The following ST6GALNAC3 variants were observed in gnomAD, a reference collection of about 807,000 sequenced individuals.
ST6GALNAC3 encodes the protein alpha-N-acetylgalactosaminide alpha-2,6-sialyltransferase 3.
A neutral mutation model predicts 32.7 loss-of-function variants in ST6GALNAC3; 25 were observed. The observed-to-expected ratio is 0.76, with a 90% CI of 0.56 to 1.07. ST6GALNAC3 has a LOEUF of 1.07. Among genes scored for constraint, ST6GALNAC3 ranks in the 50% least tolerant of loss-of-function variants. The pLI is 0.00. For synonymous variants in ST6GALNAC3, 129 were observed against 133.1 expected, an observed-to-expected ratio of 0.97 and a Z score of 0.21; for missense variants, 355 against 382.4, an observed-to-expected ratio of 0.93 and a Z score of 0.60.
In ST6GALNAC3 at chr1:76,478,787, A is replaced by G. The variant is rs186770953; in HGVS notation, c.623+66370A>G. On this transcript the variant is annotated intron_variant, in intron 3 of 4. Coordinates refer to ENST00000328299, the MANE Select transcript of ST6GALNAC3 (RefSeq NM_152996.4). Reference sequence around the variant, plus strand: ...TTTTTTTTTTTTTTTTTTTGAGATGAAGTCTCACTCTGTCTCCCAGGCTGG... The same window carrying G: ...TTTTTTTTTTTTTTTTTTTGAGATGGAGTCTCACTCTGTCTCCCAGGCTGG... Among the ~76,000 whole-genome samples, 648 of 113,212 alleles carry G rather than the reference A, an allele frequency of 5.7e-3. 2 individuals are homozygous for G. The highest frequency in any genetic ancestry group is 7.6e-3 in the Non-Finnish European group (435 of 57,456). The allele number at this position is 113,212 out of a possible 152,430, so 74.3% of individuals were successfully genotyped here.
intron 1 of ST6GALNAC3, among the ~76,000 whole-genome samples, chr1:76,119,967 C>T (rs1433402435): frequency 6.6e-6 from 1 of 152,254 alleles, no homozygotes; most frequent in Non-Finnish European, 1.5e-5. Flanking sequence ...GGGCACAGGC[C>T]TGCCTTGTAT....
At chr1:76,135,775 GA>G (rs1292318901) in intron 1 of ST6GALNAC3, among the ~76,000 whole-genome samples, 2 of 151,962 alleles carry the variant, frequency 1.3e-5, no homozygotes, top group Non-Finnish European at 2.9e-5. Flanking sequence ...ACATCAGGTA[GA>G]AAGGTGATTA....
intron 1 of ST6GALNAC3, among the ~76,000 whole-genome samples, chr1:76,094,758 A>T (rs1255532694): frequency 6.6e-6 from 1 of 152,194 alleles, no homozygotes; most frequent in Non-Finnish European, 1.5e-5. Flanking sequence ...AGAAACTATG[A>T]AGACATGTTC....
intron 3 of ST6GALNAC3, among the ~76,000 whole-genome samples, chr1:76,558,941 T>TA (rs1280046302): frequency 6.6e-6 from 1 of 151,958 alleles, no homozygotes; most frequent in African/African-American, 2.4e-5. Flanking sequence ...AATAAATTTT[T>TA]AAAAAAGAAA....
chr1:76,227,672 A>G (rs960601924), intron 1 of ST6GALNAC3, among the ~76,000 whole-genome samples: 11 of 152,240 alleles, frequency 7.2e-5, no homozygotes, highest in African/African-American at 2.7e-4. Flanking sequence ...GTACCCTAAC[A>G]TTGACTGTGC....
intron 3 of ST6GALNAC3, among the ~76,000 whole-genome samples, chr1:76,597,335 G>T (rs1647153347): frequency 6.6e-6 from 1 of 152,066 alleles, no homozygotes; most frequent in East Asian, 1.9e-4. Context: ...AATGACAGTG[G>T]TGAGTTTCCT....
intron 1 of ST6GALNAC3, among the ~76,000 whole-genome samples, chr1:76,095,896 G>C (rs140043545): frequency 6.6e-6 from 1 of 152,224 alleles, no homozygotes; most frequent in African/African-American, 2.4e-5. Context: ...CTTTGCCACC[G>C]GGCCCTCGGA....
intron 3 of ST6GALNAC3, among the ~76,000 whole-genome samples, chr1:76,567,873 G>A (rs1168185009): frequency 6.6e-6 from 1 of 152,176 alleles, no homozygotes; most frequent in Non-Finnish European, 1.5e-5. Context: ...TCAAGTCAGT[G>A]TCAGGACCAT....
chr1:76,165,643 T>TA (rs1277925381), intron 1 of ST6GALNAC3, among the ~76,000 whole-genome samples: 1 of 152,168 alleles, frequency 6.6e-6, no homozygotes, highest in Non-Finnish European at 1.5e-5. Flanking sequence ...CAACAGTGTA[T>TA]AACCATTCCT....
chr1:76,498,313 T>G (rs568871401), intron 3 of ST6GALNAC3, among the ~76,000 whole-genome samples: 10 of 152,326 alleles, frequency 6.6e-5, no homozygotes, highest in African/African-American at 2.2e-4. Flanking sequence ...TTGCTCTTTC[T>G]TTTTATCCTC....
chr1:76,123,305 G>A (rs555932392), intron 1 of ST6GALNAC3, among the ~76,000 whole-genome samples: 1 of 151,868 alleles, frequency 6.6e-6, no homozygotes, highest in Non-Finnish European at 1.5e-5. Flanking sequence ...CTTGGACCCG[G>A]GAGGCAGAGG....
At chr1:76,328,849 C>A (rs1462152567) in intron 2 of ST6GALNAC3, among the ~76,000 whole-genome samples, 1 of 152,162 alleles carries the variant, frequency 6.6e-6, no homozygotes, top group East Asian at 1.9e-4. Flanking sequence ...TGAACATCTA[C>A]TTCAAAGAAG....
intron 3 of ST6GALNAC3, among the ~76,000 whole-genome samples, chr1:76,545,696 G>T (rs1185201320): frequency 2.0e-5 from 3 of 146,698 alleles, no homozygotes; most frequent in African/African-American, 2.5e-5. Context: ...CACTCTTGTT[G>T]CCCAGGCTGG....
chr1:76,310,883 C>G (rs1465482365), intron 1 of ST6GALNAC3, among the ~76,000 whole-genome samples: 2 of 152,134 alleles, frequency 1.3e-5, no homozygotes, highest in Middle Eastern at 3.2e-3. Flanking sequence ...GACTCCTTGA[C>G]AGTTGCTGAA....
intron 2 of ST6GALNAC3, among the ~76,000 whole-genome samples, chr1:76,380,202 T>C (rs1417195118): frequency 6.6e-6 from 1 of 152,066 alleles, no homozygotes; most frequent in African/African-American, 2.4e-5. Context: ...GGATGAGCAA[T>C]GAATAAGTAA....
chr1:76,470,498 G>A (rs930764151), intron 3 of ST6GALNAC3, among the ~76,000 whole-genome samples: 1 of 152,062 alleles, frequency 6.6e-6, no homozygotes, highest in African/African-American at 2.4e-5. Flanking sequence ...TATCAGGTGG[G>A]TTCCTTTTCA....
chr1:76,611,430 A>T (rs1647926418), intron 3 of ST6GALNAC3, among the ~76,000 whole-genome samples: 1 of 152,144 alleles, frequency 6.6e-6, no homozygotes, highest in South Asian at 2.1e-4. Flanking sequence ...CTAAGATTAC[A>T]TGTCTCTGAG....
intron 3 of ST6GALNAC3, among the ~76,000 whole-genome samples, chr1:76,573,535 A>G (rs573929354): frequency 2.0e-5 from 3 of 152,046 alleles, no homozygotes; most frequent in Non-Finnish European, 4.4e-5. Flanking sequence ...TATGTGGCCT[A>G]CCTCACATTG....
intron 1 of ST6GALNAC3, among the ~76,000 whole-genome samples, chr1:76,173,229 A>G (rs1229227100): frequency 6.6e-6 from 1 of 152,212 alleles, no homozygotes; most frequent in East Asian, 1.9e-4. Context: ...AAAATAAGCA[A>G]TGGGAAAGAA....
Sources: gnomAD v4.1 joint callset for allele counts (sites outside exome capture counted in the v4.1 genomes callset) on GRCh38, gnomAD v4.1.1 for gene constraint, MANE v1.5 for transcripts, NCBI Gene and HGNC (gene_info 2026-07-23, HGNC 2026-07-21) for gene names.